The following NEK9 variants were observed in gnomAD, a reference collection of about 807,000 sequenced individuals.
NEK9 encodes NIMA related kinase 9.
NEK9 carries 75 observed loss-of-function variants against 123.4 expected under a neutral mutation model. The observed-to-expected ratio is 0.61, with a 90% CI of 0.50 to 0.74. The LOEUF (loss-of-function observed/expected upper bound fraction) is 0.74, where lower values mean the gene tolerates loss of function less well. Among genes scored for constraint, NEK9 ranks in the 30% least tolerant of loss-of-function variants. The pLI, the probability that NEK9 is intolerant of heterozygous loss-of-function variation, is 0.00. For synonymous variants in NEK9, 438 were observed against 458.7 expected (o/e 0.95, Z 0.58); for missense variants, 952 against 1,214.4 (o/e 0.78, Z 3.21).
intron 7 of NEK9, among the ~76,000 whole-genome samples, chr14:75,113,885 A>C (rs541773720): frequency 1.5e-4 from 23 of 152,258 alleles, no homozygotes; most frequent in Non-Finnish European, 3.1e-4. Context: ...CTGTATTAGA[A>C]GTGGTAAATT....
At chr14:75,125,192 C>G (rs975721671) in intron 1 of NEK9, among the ~76,000 whole-genome samples, 3 of 152,114 alleles carry the variant, frequency 2.0e-5, no homozygotes, top group Non-Finnish European at 4.4e-5. Flanking sequence ...TCTGATGAAG[C>G]TTTTACTGTA....
rs979212225 is a variant in NEK9 at position 75,083,722 on chromosome 14, C to T, written c.*842G>A. 6.6e-6 allele frequency: 1 copy of T among 151,990 alleles called. No homozygotes were observed. The allele number at this position is 151,990 out of a possible 1,614,324, so 9.4% of individuals were successfully genotyped here. A position where few individuals can be genotyped will look rare whatever the true frequency, so the allele number is the denominator to read the frequency against. ...CAAGTAGAGGCAGCTAAAGGAGGAC[C>T]TCTTCTCCTTCATGATTTTCTCTTA... On this transcript the variant is annotated 3_prime_UTR_variant, in exon 22 of 22. Coordinates refer to ENST00000238616, the MANE Select transcript of NEK9 (RefSeq NM_033116.6).
rs1893885558 is a variant in NEK9, at chr14:75,082,196, C to CA, written c.*2367dup. 6.6e-6 allele frequency: 1 copy of CA among 152,162 alleles called. No individual in the cohort carries two copies. The highest frequency in any genetic ancestry group is 1.5e-5 in the Non-Finnish European group (1 of 68,034). 9.4% of individuals were successfully genotyped at this position (152,162 alleles called of 1,614,324 possible). A position where few individuals can be genotyped will look rare whatever the true frequency, so the allele number is the denominator to read the frequency against. On this transcript the variant is annotated 3_prime_UTR_variant, in exon 22 of 22. Coordinates refer to ENST00000238616, the MANE Select transcript of NEK9 (RefSeq NM_033116.6). ...TCAACCTTTCAAGCAACCTGGCTAACAATAAACTAGTTCTTCTGCAACAAT... is the reference window on the plus strand; with the variant it reads ...TCAACCTTTCAAGCAACCTGGCTAACAAATAAACTAGTTCTTCTGCAACAAT...
intron 7 of NEK9, among the ~76,000 whole-genome samples, chr14:75,113,779 C>T (rs1016815245): frequency 6.6e-6 from 1 of 152,100 alleles, no homozygotes; most frequent in African/African-American, 2.4e-5. Context: ...CCCCCATTCC[C>T]TGGTGATTCT....
chr14:75,110,359 T>C lies in NEK9; in HGVS notation c.951A>G (p.Glu317=), dbSNP rs778879599. ...TAGGTGCATTAAGCAGAGTGACTTT[T>C]TCCTCCATCTCTCTACCAAAAGAAA... ...LLRKRRREME[E]KVTLLNAPTK... is the part of the protein sequence containing the mutation. The change falls in exon 9 of 22, where the codon GAA becomes GAG. Residue 317 remains glutamate (E), a synonymous_variant. Coordinates refer to ENST00000238616, the MANE Select transcript of NEK9 (RefSeq NM_033116.6). 2.5e-6 allele frequency: 4 copies of C among 1,613,208 alleles called. No homozygotes were observed. The East Asian group carries it at 8.9e-5, about 36-fold the overall frequency.
rs754100533 is a variant in NEK9 at position 75,117,179 on chromosome 14, T to A, written c.762+16A>T. The A allele has an allele frequency of 6.2e-7, 1 of 1,610,702 alleles. No individual in the cohort carries two copies. Among genetic ancestry groups the A allele is most frequent in the South Asian group, 1.1e-5 (1 of 90,684 alleles). The stretch of plus-strand genomic sequence containing the variant: ...CAACCTGCTAAATGCAATATGGGGA[T>A]AATATGCCAACTTACTGTAGCATCA... On this transcript the variant is annotated intron_variant, in intron 6 of 21. Coordinates refer to ENST00000238616, the MANE Select transcript of NEK9 (RefSeq NM_033116.6).
In NEK9 at chr14:75,108,562, T is replaced by TA. The variant is rs199857162; in HGVS notation, c.1183-1076_1183-1075insT. On this transcript the variant is annotated intron_variant, in intron 10 of 21. Coordinates refer to ENST00000238616, the MANE Select transcript of NEK9 (RefSeq NM_033116.6). ...GTGTGTGTGACAGTATATATATATA[T>TA]TTTTTTTTTTGAGACAAGGTCTTGC... Among the ~76,000 whole-genome samples the TA allele has an allele frequency of 5.3e-3, 769 of 145,716 alleles. 5 individuals carry two copies. The highest frequency in any genetic ancestry group is 9.4e-3 in the African/African-American group (366 of 38,906).
chr14:75,110,712 CAG>C (rs1028886055), intron 8 of NEK9, among the ~76,000 whole-genome samples: 5 of 151,836 alleles, frequency 3.3e-5, no homozygotes, highest in African/African-American at 1.2e-4. Flanking sequence ...CTCCCAAACT[CAG>C]TATCTCCAAA....
At chr14:75,098,505 G>C (rs897039028) in intron 16 of NEK9, among the ~76,000 whole-genome samples, 1 of 152,152 alleles carries the variant, frequency 6.6e-6, no homozygotes, top group Admixed American at 6.6e-5. Flanking sequence ...TCAATGTATA[G>C]GGGGAATTTA....
chr14:75,112,310 C>A (rs959323017), intron 8 of NEK9, among the ~76,000 whole-genome samples: 4 of 152,186 alleles, frequency 2.6e-5, no homozygotes, highest in Non-Finnish European at 4.4e-5. Context: ...AATACAGACT[C>A]AAATATTTAA....
At chr14:75,089,141 A>T (rs1894124817) in intron 19 of NEK9, among the ~76,000 whole-genome samples, 2 of 151,916 alleles carry the variant, frequency 1.3e-5, no homozygotes, top group Admixed American at 1.3e-4. Flanking sequence ...ACCATGACTC[A>T]CTGTAGTCCT....
In NEK9 at chr14:75,107,410, C is replaced by T. The variant is rs1344420133; in HGVS notation, c.1260G>A (p.Val420=). 6.2e-7 allele frequency: 1 copy of T among 1,613,984 alleles called. No homozygotes were observed. Among genetic ancestry groups the T allele is most frequent in the South Asian group, 1.1e-5 (1 of 91,060 alleles). The change falls in exon 11 of 22, where the codon GTG becomes GTA. Residue 420 remains valine (V), a synonymous_variant. Transcript: ENST00000238616. ...DKASYRQPKH[V]EKLQGKAIRQ... The stretch of plus-strand genomic sequence containing the variant: ...GGATAGCTTTGCCTTGCAACTTTTC[C>T]ACATGCTTTGGCTGTCGATAGGAGG...
rs1360939715 is a variant in NEK9, at chr14:75,101,733, A to G, written c.1764T>C (p.Phe588=). 1.2e-6 allele frequency: 2 copies of G among 1,614,068 alleles called. No homozygotes were observed. Among genetic ancestry groups the G allele is most frequent in the Non-Finnish European group, 1.7e-6 (2 of 1,179,890 alleles). ...AYHEVPYTTS[F]TLAKQLSFYK... is the part of the protein sequence containing the mutation. ...AAAAGGACAACTGTTTGGCCAAGGT[A>G]AAGGACGTTGTGTAGGGAACTTCAT... Residue 588 remains phenylalanine (F), a synonymous_variant, in exon 15 of 22, where the codon TTT becomes TTC. Coordinates refer to ENST00000238616, the MANE Select transcript of NEK9 (RefSeq NM_033116.6).
chr14:75,125,555 CACTTAAGTAT>C (rs1041479619), intron 1 of NEK9, among the ~76,000 whole-genome samples: 1 of 152,190 alleles, frequency 6.6e-6, no homozygotes, highest in South Asian at 2.1e-4. Context: ...GTGAGCAAGT[CACTTAAGTAT>C]ACTGTTTTAG....
rs775845907 is a variant in NEK9, at chr14:75,105,962, A to G, written c.1563T>C (p.Tyr521=). 7.4e-6 allele frequency: 12 copies of G among 1,613,636 alleles called. No individual in the cohort carries two copies. The highest frequency in any genetic ancestry group is 9.3e-6 in the Non-Finnish European group (11 of 1,179,506). The change falls in exon 13 of 22, where the codon TAT becomes TAC. Residue 521 remains tyrosine, a synonymous_variant. Transcript: ENST00000238616. ...CTTCTGATTTTACCTTTTGTGGTGT[A>G]TAATAATCCTCTTCTGAATCCAAAC... ...RLGLDSEEDY[Y]TPQKVDVPKA...
intron 10 of NEK9, among the ~76,000 whole-genome samples, chr14:75,108,460 T>C (rs1283876074): frequency 6.6e-6 from 1 of 151,904 alleles, no homozygotes; most frequent in African/African-American, 2.4e-5. Context: ...ATAATTCTAT[T>C]AAATGAGTAT....
At chr14:75,126,680 C>T in intron 1 of NEK9, 23 bp downstream of exon 1, 1 of 1,391,076 alleles carries the variant, frequency 7.2e-7, no homozygotes, top group Non-Finnish European at 9.3e-7. Flanking sequence ...CCAGACAGGG[C>T]GGCCGGCGCC....
At chr14:75,121,668 G>A (rs977626899) in intron 2 of NEK9, among the ~76,000 whole-genome samples, 12 of 152,318 alleles carry the variant, frequency 7.9e-5, no homozygotes, top group Non-Finnish European at 1.3e-4. Context: ...GGGCAACACG[G>A]CAAAACCCTT....
chr14:75,087,825 T>C (rs1220679002), intron 20 of NEK9, among the ~76,000 whole-genome samples: 3 of 152,252 alleles, frequency 2.0e-5, no homozygotes, highest in African/African-American at 7.2e-5. Flanking sequence ...AAATAGCCCA[T>C]AGGCCAATTC....
Sources: gnomAD v4.1 joint callset for allele counts (sites outside exome capture counted in the v4.1 genomes callset) on GRCh38, gnomAD v4.1.1 for gene constraint, MANE v1.5 for transcripts, NCBI Gene and HGNC (gene_info 2026-07-23, HGNC 2026-07-21) for gene names.